CCDC141: variants seen among roughly 807,000 people sequenced by gnomAD.
CCDC141 encodes the protein coiled-coil domain containing 141.
Under a neutral mutation model 181.0 loss-of-function variants are expected in CCDC141, and 168 were observed. That is an observed-to-expected ratio of 0.93 (90% CI 0.82 to 1.05). The LOEUF is 1.05. Among genes scored for constraint, CCDC141 ranks in the 50% least tolerant of loss-of-function variants. The pLI, the probability that CCDC141 is intolerant of heterozygous loss-of-function variation, is 0.00. For synonymous variants in CCDC141, 666 were observed against 642.3 expected (o/e 1.04, Z -0.56); for missense variants, 1,902 against 1,788.5 (o/e 1.06, Z -1.14).
chr2:178,867,955 G>A (rs941919560), intron 16 of CCDC141, 71 bp downstream of exon 16: 1 of 1,248,222 alleles, frequency 8.0e-7, no homozygotes, highest in Middle Eastern at 2.4e-4. Context: ...CAATCTGCCT[G>A]GTTTCTTTCA....
At chr2:178,852,003 G>A (rs1685185078) in intron 20 of CCDC141, among the ~76,000 whole-genome samples, 1 of 152,216 alleles carries the variant, frequency 6.6e-6, no homozygotes, top group Non-Finnish European at 1.5e-5. Context: ...GGAGACTCAT[G>A]TCATTCATTT....
intron 2 of CCDC141, among the ~76,000 whole-genome samples, chr2:179,005,542 A>G (rs2042100606): frequency 6.6e-6 from 1 of 152,180 alleles, no homozygotes; most frequent in South Asian, 2.1e-4. Flanking sequence ...TCTTTTTACC[A>G]GAAGTTACAA....
In CCDC141 at chr2:178,889,558, G is replaced by A. The variant is rs532920318; in HGVS notation, c.1266-890C>T. Among the ~76,000 whole-genome samples, 5 of 152,194 alleles carry A rather than the reference G, an allele frequency of 3.3e-5. No homozygotes were observed. In the South Asian group the frequency reaches 8.3e-4, roughly 25 times the overall value. On this transcript the variant is annotated intron_variant, in intron 8 of 23. Coordinates refer to ENST00000443758, the MANE Select transcript of CCDC141 (RefSeq NM_173648.4). ...AAAAAGAGCTCAGAACAAGGTACAG[G>A]TTTCAGTCATTTTACCTCAAAATAA... is the stretch of plus-strand genomic sequence containing the variant.
At chr2:178,940,697 A>G (rs753967696) in intron 6 of CCDC141, among the ~76,000 whole-genome samples, 3 of 152,198 alleles carry the variant, frequency 2.0e-5, no homozygotes, top group Admixed American at 2.0e-4. Context: ...CTTCTTCACA[A>G]CGTAAAAGAC....
intron 17 of CCDC141, among the ~76,000 whole-genome samples, chr2:178,865,042 G>A (rs539344345): frequency 6.6e-6 from 1 of 152,200 alleles, no homozygotes; most frequent in Non-Finnish European, 1.5e-5. Context: ...CCTTTCAATG[G>A]AAAGCTTAGC....
chr2:178,896,370 G>T (rs1310240504), intron 8 of CCDC141, among the ~76,000 whole-genome samples: 1 of 152,192 alleles, frequency 6.6e-6, no homozygotes, highest in Non-Finnish European at 1.5e-5. Context: ...TCCTTGATGT[G>T]CAGCTCCCTG....
chr2:179,024,077 A>G (rs1180088363), intron 2 of CCDC141, among the ~76,000 whole-genome samples: 1 of 152,234 alleles, frequency 6.6e-6, no homozygotes, highest in East Asian at 1.9e-4. Flanking sequence ...TTCCAAAATG[A>G]GGACATCTAT....
chr2:178,963,839 C>A (rs1690507557), intron 4 of CCDC141, among the ~76,000 whole-genome samples: 1 of 152,030 alleles, frequency 6.6e-6, no homozygotes, highest in African/African-American at 2.4e-5. Context: ...GTTCCCTGGG[C>A]AATTTGATTG....
At chr2:178,988,708 C>T (rs1691881452) in intron 2 of CCDC141, among the ~76,000 whole-genome samples, 1 of 152,104 alleles carries the variant, frequency 6.6e-6, no homozygotes. Flanking sequence ...TCAAAACAAT[C>T]TTGAAAAAGA....
chr2:178,978,548 G>A lies in CCDC141; in HGVS notation c.353C>T (p.Ser118Phe). The change falls in exon 3 of 24, where the codon TCC becomes TTC. Residue 118 changes from serine to phenylalanine, a missense_variant. Physicochemically the swap from Ser to Phe is radical, Grantham distance 155. Transcript: ENST00000443758. ...TLGEAWAALVSMLERRTELLR... is the reference protein window; with the variant it reads ...TLGEAWAALVFMLERRTELLR... The stretch of plus-strand genomic sequence containing the variant: ...GAGCTCTGTTCTTCTTTCAAGCATG[G>A]ACACCAGAGCTGCCCATGCTTCACC... 6.5e-7 allele frequency: 1 copy of A among 1,545,676 alleles called. No individual in the cohort carries two copies. Among genetic ancestry groups the A allele is most frequent in the Non-Finnish European group, 8.7e-7 (1 of 1,144,908 alleles).
At chr2:179,005,784 A>AT (rs957987540) in intron 2 of CCDC141, among the ~76,000 whole-genome samples, 6 of 151,932 alleles carry the variant, frequency 3.9e-5, no homozygotes, top group Admixed American at 1.3e-4. Flanking sequence ...TAATGTTTGT[A>AT]TTTTTTTGTA....
intron 2 of CCDC141, among the ~76,000 whole-genome samples, chr2:178,988,491 A>G (rs1691869571): frequency 6.6e-6 from 1 of 152,058 alleles, no homozygotes; most frequent in Non-Finnish European, 1.5e-5. Context: ...AATAATAAAA[A>G]AAAAGAAATT....
chr2:178,906,362 T>G (rs552162883), intron 7 of CCDC141, among the ~76,000 whole-genome samples: 1 of 152,334 alleles, frequency 6.6e-6, no homozygotes, highest in East Asian at 1.9e-4. Context: ...GAAAGAATAC[T>G]GTGGGTATAT....
rs1353151648 is a variant in CCDC141 at position 178,872,157 on chromosome 2, C to T, written c.2055G>A (p.Ala685=). The T allele has an allele frequency of 9.3e-6, 15 of 1,613,284 alleles. No homozygotes were observed. The highest frequency in any genetic ancestry group is 1.6e-4 in the Middle Eastern group (1 of 6,078). The part of the protein sequence containing the change: ...TESKPGKQQW[A]AFKEQLKKTS... ...CCTTTTTAAGTTGCTCTTTGAATGC[C>T]GCCCACTGCTGTTTTCCAGGCTTGC... is the stretch of plus-strand genomic sequence containing the variant. Residue 685 remains alanine (A), a synonymous_variant, in exon 13 of 24, where the codon GCG becomes GCA. Coordinates refer to ENST00000443758, the MANE Select transcript of CCDC141 (RefSeq NM_173648.4).
At chr2:178,909,585 C>T (rs1688130988) in intron 7 of CCDC141, among the ~76,000 whole-genome samples, 2 of 152,200 alleles carry the variant, frequency 1.3e-5, no homozygotes, top group Admixed American at 1.3e-4. Context: ...CAAAGCTCAT[C>T]TCTCTTATTC....
rs1466634233 is a variant in CCDC141, at chr2:179,015,657, TATATCTCATAC to T, written c.225+31616_225+31626del. Among the ~76,000 whole-genome samples, 19 of 142,038 alleles carry T rather than the reference TATATCTCATAC, an allele frequency of 1.3e-4. No individual in the cohort carries two copies. In the East Asian group the frequency reaches 3.1e-3, roughly 23 times the overall value. The allele number at this position is 142,038 out of a possible 152,430, so 93.2% of individuals were successfully genotyped here. A position where few individuals can be genotyped will look rare whatever the true frequency, so the allele number is the denominator to read the frequency against. On this transcript the variant is annotated intron_variant, in intron 2 of 23. Coordinates refer to ENST00000443758, the MANE Select transcript of CCDC141 (RefSeq NM_173648.4). ...ATATATCTCATATATATCTCATACA[TATATCTCATAC>T]ATATCTCATATATATCTCATACATA...
At chr2:178,871,673 T>C in intron 13 of CCDC141, 121 bp from the exon 14 acceptor site, 2 of 1,129,686 alleles carry the variant, frequency 1.8e-6, no homozygotes, top group Middle Eastern at 2.7e-4. Context: ...ACACTCAGGA[T>C]GTGGCATGAG....
chr2:178,936,664 G>T (rs541850965), intron 6 of CCDC141, among the ~76,000 whole-genome samples: 6 of 152,198 alleles, frequency 3.9e-5, no homozygotes, highest in Admixed American at 1.3e-4. Flanking sequence ...GAATAGCATT[G>T]AATCTGTAAA....
Position 178,833,249 on chromosome 2 carries a change from A to G in CCDC141, c.*924T>C, listed in dbSNP as rs1038476136. The stretch of plus-strand genomic sequence containing the variant: ...ATGACAAATTACATTAAACAATATC[A>G]TTATCCTTAGCCCTCAGTGTTTTCC... On this transcript the variant is annotated 3_prime_UTR_variant, in exon 24 of 24. Transcript: ENST00000443758. 6.6e-6 allele frequency: 1 copy of G among 152,216 alleles called. No homozygotes were observed. Among genetic ancestry groups the G allele is most frequent in the South Asian group, 2.1e-4 (1 of 4,830 alleles). 9.4% of individuals were successfully genotyped at this position (152,216 alleles called of 1,614,324 possible).
Sources: gnomAD v4.1 joint callset for allele counts (sites outside exome capture counted in the v4.1 genomes callset) on GRCh38, gnomAD v4.1.1 for gene constraint, MANE v1.5 for transcripts, NCBI Gene and HGNC (gene_info 2026-07-23, HGNC 2026-07-21) for gene names.